The following CCBE1 variants were observed in gnomAD, a reference collection of about 807,000 sequenced individuals.
CCBE1 encodes the protein collagen and calcium binding EGF domains 1.
CCBE1 carries 37 observed loss-of-function variants against 50.0 expected under a neutral mutation model. That is an observed-to-expected ratio of 0.74 (90% CI 0.57 to 0.97). CCBE1 has a LOEUF of 0.97. CCBE1 is among the 50% of genes least tolerant of loss of function. The probability of loss-of-function intolerance (pLI) is 0.00; values close to 1 mark genes in which losing one functional copy is unlikely to be tolerated. For synonymous variants in CCBE1, 234 were observed against 203.7 expected, an observed-to-expected ratio of 1.15 and a Z score of -1.27; for missense variants, 538 against 523.8, an observed-to-expected ratio of 1.03 and a Z score of -0.26.
chr18:59,599,601 A>G (rs1220780296), intron 2 of CCBE1, among the ~76,000 whole-genome samples: 12 of 152,204 alleles, frequency 7.9e-5, no homozygotes, highest in African/African-American at 2.9e-4. Context: ...CTTATGGTAC[A>G]ATGGCTAAGA....
At chr18:59,450,455 G>A (rs1025694751) in intron 6 of CCBE1, among the ~76,000 whole-genome samples, 1 of 152,060 alleles carries the variant, frequency 6.6e-6, no homozygotes, top group African/African-American at 2.4e-5. Flanking sequence ...GCAGACGGTG[G>A]GTCTAGAATT....
At chr18:59,531,102 AC>A (rs1915029893) in intron 2 of CCBE1, among the ~76,000 whole-genome samples, 1 of 152,170 alleles carries the variant, frequency 6.6e-6, no homozygotes, top group Non-Finnish European at 1.5e-5. Context: ...ATTTTCAAAT[AC>A]ATCTGAGTAC....
At chr18:59,498,816 C>G (rs116719921) in intron 2 of CCBE1, among the ~76,000 whole-genome samples, 1,548 of 152,274 alleles carry the variant, frequency 0.01, 28 homozygotes, top group African/African-American at 0.035. Context: ...TAAACAGATG[C>G]ATTTCTATTT....
intron 2 of CCBE1, among the ~76,000 whole-genome samples, chr18:59,691,946 C>T (rs1418479053): frequency 6.6e-6 from 1 of 152,122 alleles, no homozygotes; most frequent in African/African-American, 2.4e-5. Flanking sequence ...ACTTCAAGTT[C>T]TAGTTCAGGC....
intron 2 of CCBE1, among the ~76,000 whole-genome samples, chr18:59,536,701 A>C (rs1381593782): frequency 6.6e-6 from 1 of 152,176 alleles, no homozygotes; most frequent in Non-Finnish European, 1.5e-5. Flanking sequence ...AAAATAAAGG[A>C]ACATTTGGCT....
chr18:59,522,848 C>T (rs8093755), intron 2 of CCBE1, among the ~76,000 whole-genome samples: 17,567 of 151,668 alleles, frequency 0.12, 2,503 homozygotes, highest in African/African-American at 0.34. Context: ...AAAAATTAGC[C>T]GGGCGTGGTG....
intron 2 of CCBE1, among the ~76,000 whole-genome samples, chr18:59,619,998 T>C (rs1332496840): frequency 6.6e-6 from 1 of 152,124 alleles, no homozygotes; most frequent in Non-Finnish European, 1.5e-5. Context: ...CCCAGTCCCA[T>C]TCAACACTTC....
chr18:59,593,786 T>C lies in CCBE1; in HGVS notation c.212+102843A>G, dbSNP rs190476618. Among the ~76,000 whole-genome samples the C allele has an allele frequency of 6.6e-5, 10 of 152,360 alleles. No individual in the cohort carries two copies. The East Asian group carries it at 1.9e-3, about 29-fold the overall frequency. ...GTCCAACTTCTTTCAGTTAGCTGTA[T>C]AAATTGTAACTGATTAAGTCTGGGA... On this transcript the variant is annotated intron_variant, in intron 2 of 10. Transcript: ENST00000439986.
At position 59,696,648 on chromosome 18, in the gene CCBE1, C is replaced by T. The variant is rs984126526; in HGVS notation, c.193G>A (p.Glu65Lys). ...GCTTACCTGTAGCATGTGGTGAGCT[C>T]GCCTGAAGACTTCAGACACGGGTAT... The part of the protein sequence containing the change: ...TKYPCLKSSG[E>K]LTTCYRKKCC... The change falls in exon 2 of 11, where the codon GAG becomes AAG. Residue 65 changes from glutamate (E) to lysine (K), a missense_variant. Physicochemically the swap from Glu to Lys is moderately conservative, Grantham distance 56. Coordinates refer to ENST00000439986, the MANE Select transcript of CCBE1 (RefSeq NM_133459.4). 3 of 1,614,022 alleles carry T rather than the reference C, an allele frequency of 1.9e-6. No individual in the cohort carries two copies. In the Admixed American group the frequency reaches 5.0e-5, roughly 27 times the overall value.
At chr18:59,521,411 ATTCT>A (rs371850340) in intron 2 of CCBE1, among the ~76,000 whole-genome samples, 7 of 152,292 alleles carry the variant, frequency 4.6e-5, no homozygotes, top group Admixed American at 1.3e-4. Context: ...GATTGAACAC[ATTCT>A]TTGTTTGTTT....
chr18:59,690,711 T>C (rs1326327965), intron 2 of CCBE1, among the ~76,000 whole-genome samples: 1 of 152,190 alleles, frequency 6.6e-6, no homozygotes, highest in Non-Finnish European at 1.5e-5. Context: ...TGAGTTAAAA[T>C]TGTTTCCAAT....
chr18:59,582,996 T>G (rs938392366), intron 2 of CCBE1, among the ~76,000 whole-genome samples: 1 of 152,088 alleles, frequency 6.6e-6, no homozygotes, highest in Non-Finnish European at 1.5e-5. Flanking sequence ...AAAAAAAATT[T>G]TCTTTTTGTA....
At chr18:59,630,776 C>A (rs1411022724) in intron 2 of CCBE1, among the ~76,000 whole-genome samples, 2 of 152,158 alleles carry the variant, frequency 1.3e-5, no homozygotes, top group East Asian at 3.9e-4. Context: ...CAGGGTTGTT[C>A]CTAGATTACC....
intron 2 of CCBE1, among the ~76,000 whole-genome samples, chr18:59,512,818 C>G (rs558109543): frequency 6.6e-6 from 1 of 152,342 alleles, no homozygotes; most frequent in South Asian, 2.1e-4. Context: ...GCCCACGGCT[C>G]TCACTGGAGG....
In CCBE1 at chr18:59,469,427, C is replaced by T. The variant is rs377276796; in HGVS notation, c.400+46G>A. The stretch of plus-strand genomic sequence containing the variant: ...CCAACCAAGGACAGAACCATCTGAA[C>T]AAGGCACATGTTCAGAAGCTGGAAA... On this transcript the variant is annotated intron_variant, in intron 4 of 10. Coordinates refer to ENST00000439986, the MANE Select transcript of CCBE1 (RefSeq NM_133459.4). The T allele has an allele frequency of 6.5e-5, 105 of 1,613,726 alleles. No individual in the cohort carries two copies. The South Asian group carries it at 9.8e-4, about 15-fold the overall frequency.
At chr18:59,547,697 C>T (rs185010631) in intron 2 of CCBE1, among the ~76,000 whole-genome samples, 1 of 152,166 alleles carries the variant, frequency 6.6e-6, no homozygotes, top group Non-Finnish European at 1.5e-5. Context: ...GACAGTACTT[C>T]TGGCTACACT....
intron 2 of CCBE1, among the ~76,000 whole-genome samples, chr18:59,651,693 T>A (rs972387680): frequency 1.4e-4 from 21 of 152,296 alleles, no homozygotes; most frequent in African/African-American, 5.1e-4. Context: ...ACATGCTCCA[T>A]CTACAAATAA....
At chr18:59,536,990 C>CAAAAA (rs34336757) in intron 2 of CCBE1, among the ~76,000 whole-genome samples, 15 of 91,808 alleles carry the variant, frequency 1.6e-4, no homozygotes, top group African/African-American at 2.2e-4. Context: ...GACTCTGTCT[C>CAAAAA]AAAAAAAAAA....
chr18:59,443,007 T>C, intron 7 of CCBE1, among the ~76,000 whole-genome samples: 1 of 145,216 alleles, frequency 6.9e-6, no homozygotes, highest in South Asian at 2.2e-4. Context: ...TGTTTTGTTT[T>C]TTTAATTCTT....
Sources: allele counts gnomAD v4.1 joint callset (sites outside exome capture counted in the v4.1 genomes callset), GRCh38; gene constraint gnomAD v4.1.1; transcripts MANE v1.5; gene names NCBI Gene and HGNC (gene_info 2026-07-23, HGNC 2026-07-21).